The following MAGI2 variants were observed in gnomAD, a reference collection of about 807,000 sequenced individuals.
MAGI2 encodes the protein membrane associated guanylate kinase, WW and PDZ domain containing 2.
MAGI2 carries 35 observed loss-of-function variants against 133.3 expected under a neutral mutation model. The observed-to-expected ratio is 0.26, with a 90% CI of 0.20 to 0.35. MAGI2 has a LOEUF of 0.35. Among genes scored for constraint, MAGI2 ranks in the 10% least tolerant of loss-of-function variants. MAGI2 has a pLI of 1.00. For synonymous variants in MAGI2, 729 were observed against 710.6 expected, an observed-to-expected ratio of 1.03 and a Z score of -0.41; for missense variants, 1,636 against 1,863.4, an observed-to-expected ratio of 0.88 and a Z score of 2.25.
intron 1 of MAGI2, among the ~76,000 whole-genome samples, chr7:79,009,759 A>G (rs1212025774): frequency 6.6e-6 from 1 of 152,114 alleles, no homozygotes; most frequent in African/African-American, 2.4e-5. Context: ...AAGGAAATGG[A>G]CATAATATCT....
intron 5 of MAGI2, among the ~76,000 whole-genome samples, chr7:78,498,562 T>C (rs1285281574): frequency 6.6e-6 from 1 of 152,026 alleles, no homozygotes; most frequent in Non-Finnish European, 1.5e-5. Flanking sequence ...AAAGAAAAAG[T>C]AAAGCACAGT....
intron 1 of MAGI2, among the ~76,000 whole-genome samples, chr7:79,214,419 A>C (rs1239584088): frequency 1.3e-3 from 161 of 120,672 alleles, no homozygotes; most frequent in Middle Eastern, 3.9e-3. Context: ...ATATATATAT[A>C]TATATATATA....
chr7:78,613,246 G>T (rs1322454878), intron 3 of MAGI2, among the ~76,000 whole-genome samples: 1 of 152,166 alleles, frequency 6.6e-6, no homozygotes, highest in African/African-American at 2.4e-5. Context: ...CCATGAGCAT[G>T]CCCCTTTCTA....
In MAGI2 at chr7:78,624,659, A is replaced by G. The variant is rs367650549; in HGVS notation, c.538+2461T>C. Among the ~76,000 whole-genome samples, 86 of 152,194 alleles carry G rather than the reference A, an allele frequency of 5.7e-4. No individual in the cohort carries two copies. The South Asian group carries it at 0.011, about 19-fold the overall frequency. On this transcript the variant is annotated intron_variant, in intron 3 of 21. Coordinates refer to ENST00000354212, the MANE Select transcript of MAGI2 (RefSeq NM_012301.4). ...GGGGCCTTTTGGGCGGGTGCTGAGA[A>G]GAGGGAGAGCATCAGAAAGAACAGC...
chr7:79,269,194 C>A (rs1834695876), intron 1 of MAGI2, among the ~76,000 whole-genome samples: 1 of 152,136 alleles, frequency 6.6e-6, no homozygotes, highest in Non-Finnish European at 1.5e-5. Context: ...TAATTGAAGT[C>A]CTACCAAGAT....
chr7:78,463,937 T>C (rs914232656), intron 6 of MAGI2, among the ~76,000 whole-genome samples: 4 of 152,046 alleles, frequency 2.6e-5, no homozygotes, highest in African/African-American at 9.7e-5. Context: ...GGCAGGCAGG[T>C]AGCAAGTAGG....
chr7:78,241,732 A>C (rs60974415), intron 10 of MAGI2, among the ~76,000 whole-genome samples: 50 of 152,212 alleles, frequency 3.3e-4, no homozygotes, highest in African/African-American at 1.1e-3. Flanking sequence ...CAGGAGTTCG[A>C]GACCAGCCTG....
At chr7:79,166,429 T>C (rs565519777) in intron 1 of MAGI2, among the ~76,000 whole-genome samples, 3 of 152,136 alleles carry the variant, frequency 2.0e-5, no homozygotes, top group African/African-American at 7.2e-5. Context: ...TGGAGGAAGA[T>C]CCCAACGCCT....
intron 20 of MAGI2, among the ~76,000 whole-genome samples, chr7:78,110,628 C>A (rs186034736): frequency 2.0e-4 from 31 of 152,268 alleles, no homozygotes; most frequent in African/African-American, 6.5e-4. Context: ...TTAATTCTCC[C>A]TTTGTATGGG....
chr7:78,850,345 G>C (rs974331507), intron 2 of MAGI2, among the ~76,000 whole-genome samples: 5 of 152,036 alleles, frequency 3.3e-5, no homozygotes, highest in African/African-American at 4.8e-5. Flanking sequence ...ATTTCAGAAG[G>C]AGAGTATAAC....
chr7:78,959,460 C>T (rs997393310), intron 2 of MAGI2, among the ~76,000 whole-genome samples: 1 of 151,912 alleles, frequency 6.6e-6, no homozygotes, highest in African/African-American at 2.4e-5. Context: ...CCTACTGAAA[C>T]AATAATAGCT....
intron 2 of MAGI2, among the ~76,000 whole-genome samples, chr7:78,662,058 A>G (rs372372692): frequency 6.6e-6 from 1 of 152,178 alleles, no homozygotes; most frequent in African/African-American, 2.4e-5. Flanking sequence ...AGACATAAAC[A>G]TCACAAAAAT....
Position 79,315,335 on chromosome 7 carries a change from T to A in MAGI2, c.301+137685A>T, listed in dbSNP as rs939495024. ...AACCATGCCCAGTTAATTTTTTTTT[T>A]TTTTTTTTTTTGTATTTTTAGTAGA... On this transcript the variant is annotated intron_variant, in intron 1 of 21. Coordinates refer to ENST00000354212, the MANE Select transcript of MAGI2 (RefSeq NM_012301.4). Among the ~76,000 whole-genome samples the A allele has an allele frequency of 4.7e-3, 431 of 91,734 alleles. 5 individuals are homozygous for A. The highest frequency in any genetic ancestry group is 8.6e-3 in the Admixed American group (65 of 7,556). The allele number at this position is 91,734 out of a possible 152,430, so 60.2% of individuals were successfully genotyped here.
At chr7:78,444,252 G>A (rs1216655920) in intron 6 of MAGI2, among the ~76,000 whole-genome samples, 1 of 152,024 alleles carries the variant, frequency 6.6e-6, no homozygotes, top group Non-Finnish European at 1.5e-5. Flanking sequence ...AAATCAAGGT[G>A]ACACTCAGTA....
intron 1 of MAGI2, among the ~76,000 whole-genome samples, chr7:79,035,487 A>G (rs80251326): frequency 0.025 from 3,843 of 152,240 alleles, 153 homozygotes; most frequent in African/African-American, 0.087. Context: ...GCAAATTCAA[A>G]TACCTCTTTA....
intron 3 of MAGI2, among the ~76,000 whole-genome samples, chr7:78,597,255 A>G (rs1804704219): frequency 6.6e-6 from 1 of 152,134 alleles, no homozygotes; most frequent in Non-Finnish European, 1.5e-5. Flanking sequence ...GCATATTCCA[A>G]TTTGAGAAAT....
Position 78,019,741 on chromosome 7 carries a change from C to T in MAGI2, c.3942G>A (p.Arg1314=), listed in dbSNP as rs749298107. The T allele has an allele frequency of 1.2e-6, 2 of 1,611,160 alleles. No individual in the cohort carries two copies. Among genetic ancestry groups the T allele is most frequent in the Non-Finnish European group, 1.7e-6 (2 of 1,179,458 alleles). Residue 1314 remains arginine, a synonymous_variant, in exon 22 of 22, where the codon AGG becomes AGA. Coordinates refer to ENST00000354212, the MANE Select transcript of MAGI2 (RefSeq NM_012301.4). ...CCCTCTGCGGACTCGCCGAGCGCTCCCTCTGCTCCCCGAGGCGCTGCTTCT... is the reference window on the plus strand; with the variant it reads ...CCCTCTGCGGACTCGCCGAGCGCTCTCTCTGCTCCCCGAGGCGCTGCTTCT... ...GQKKQRLGEQ[R]ERSASPQRAA...
At chr7:79,046,888 A>G (rs182088765) in intron 1 of MAGI2, among the ~76,000 whole-genome samples, 1 of 152,352 alleles carries the variant, frequency 6.6e-6, no homozygotes, top group Non-Finnish European at 1.5e-5. Flanking sequence ...TATAAGATTC[A>G]GCATGTTTCA....
chr7:78,131,524 G>C (rs1209898458), intron 18 of MAGI2, among the ~76,000 whole-genome samples: 1 of 152,190 alleles, frequency 6.6e-6, no homozygotes, highest in Non-Finnish European at 1.5e-5. Context: ...ATGGGAAGCA[G>C]ATGTTCAGAA....
Sources: allele counts gnomAD v4.1 joint callset (sites outside exome capture counted in the v4.1 genomes callset), GRCh38; gene constraint gnomAD v4.1.1; transcripts MANE v1.5; gene names NCBI Gene and HGNC (gene_info 2026-07-23, HGNC 2026-07-21).